Variants in ADGRL2 observed in about 807,000 individuals in gnomAD.
ADGRL2 encodes the protein adhesion G protein-coupled receptor L2.
A neutral mutation model predicts 157.4 loss-of-function variants in ADGRL2; 44 were observed. The observed-to-expected ratio is 0.28, with a 90% CI of 0.22 to 0.36. The LOEUF is 0.36. ADGRL2 is among the 10% of genes least tolerant of loss of function. The pLI is 1.00. For synonymous variants in ADGRL2, 585 were observed against 624.7 expected (o/e 0.94, Z 0.95); for missense variants, 1,510 against 1,768.9 (o/e 0.85, Z 2.63).
At position 81,640,584 on chromosome 1, in the gene ADGRL2, A is replaced by G. The variant is rs139353012; in HGVS notation, c.-143+59604A>G. 4.7e-3 allele frequency among the ~76,000 whole-genome samples: 711 copies of G among 151,950 alleles called. 7 individuals carry two copies. The highest frequency in any genetic ancestry group is 0.016 in the African/African-American group (669 of 41,412). On this transcript the variant is annotated intron_variant, in intron 3 of 24. Transcript: ENST00000370721. ...GAGGCGGAGGTTGCAGTGAGCCAAG[A>G]TGGCACCACTGCACTCCAGCCTAGC... is the stretch of plus-strand genomic sequence containing the variant.
At chr1:81,606,871 A>G (rs2081445833) in intron 3 of ADGRL2, among the ~76,000 whole-genome samples, 1 of 152,036 alleles carries the variant, frequency 6.6e-6, no homozygotes, top group Admixed American at 6.6e-5. Context: ...CAATCATGTG[A>G]CCATAAAAGC....
chr1:81,624,577 C>G lies in ADGRL2; in HGVS notation c.-143+43597C>G, dbSNP rs976963409. Reference sequence around the variant, plus strand: ...CCCCCCCAAAAATAAAAAAGTAATACAGTTATCTAATTGCTGACGTTGTGA... The same window carrying G: ...CCCCCCCAAAAATAAAAAAGTAATAGAGTTATCTAATTGCTGACGTTGTGA... On this transcript the variant is annotated intron_variant, in intron 3 of 24. Coordinates refer to the ADGRL2 transcript ENST00000370721. Among the ~76,000 whole-genome samples, 6 of 151,514 alleles carry G rather than the reference C, an allele frequency of 4.0e-5. No individual in the cohort carries two copies. The South Asian group carries it at 1.3e-3, about 32-fold the overall frequency.
At chr1:81,560,792 C>A (rs2148449374) in intron 2 of ADGRL2, among the ~76,000 whole-genome samples, 2 of 152,158 alleles carry the variant, frequency 1.3e-5, no homozygotes, top group Middle Eastern at 3.4e-3. Context: ...AAAAGTTAAT[C>A]CTCACAATGG....
chr1:81,736,352 T>G (rs1006802170), intron 1 of ADGRL2, among the ~76,000 whole-genome samples: 1 of 152,128 alleles, frequency 6.6e-6, no homozygotes, highest in Non-Finnish European at 1.5e-5. Flanking sequence ...GTAGAAGAGG[T>G]ATCTCCCCTT....
intron 3 of ADGRL2, among the ~76,000 whole-genome samples, chr1:81,655,402 G>C (rs1292625781): frequency 6.6e-6 from 1 of 152,094 alleles, no homozygotes; most frequent in Non-Finnish European, 1.5e-5. Context: ...CACAACTAAT[G>C]AGTGTGGGAA....
chr1:81,730,176 T>G (rs2084671115), intron 1 of ADGRL2, among the ~76,000 whole-genome samples: 1 of 152,170 alleles, frequency 6.6e-6, no homozygotes, highest in Non-Finnish European at 1.5e-5. Context: ...CCTTGAAGAA[T>G]TCCACTTTTA....
At chr1:81,525,192 C>T (rs138296077) in intron 2 of ADGRL2, among the ~76,000 whole-genome samples, 2 of 152,296 alleles carry the variant, frequency 1.3e-5, no homozygotes, top group African/African-American at 4.8e-5. Context: ...TATTTTCTAA[C>T]TGAAGGGAGA....
intron 3 of ADGRL2, among the ~76,000 whole-genome samples, chr1:81,623,591 G>A (rs186883754): frequency 6.6e-6 from 1 of 150,758 alleles, no homozygotes; most frequent in Admixed American, 6.6e-5. Flanking sequence ...AAAGGAGATC[G>A]TACTAGGTCA....
chr1:81,955,554 A>G (rs1653228108), intron 10 of ADGRL2, among the ~76,000 whole-genome samples: 1 of 152,186 alleles, frequency 6.6e-6, no homozygotes, highest in South Asian at 2.1e-4. Flanking sequence ...CTGTAAGAGT[A>G]ATGTCTCAGA....
intron 2 of ADGRL2, among the ~76,000 whole-genome samples, chr1:81,905,143 G>A (rs1458321026): frequency 1.3e-5 from 2 of 149,088 alleles, no homozygotes; most frequent in African/African-American, 2.5e-5. Flanking sequence ...TTTTGCCCAA[G>A]CTAGAGTGCA....
intron 1 of ADGRL2, among the ~76,000 whole-genome samples, chr1:81,744,591 C>T (rs931673721): frequency 9.9e-5 from 15 of 152,156 alleles, no homozygotes; most frequent in Non-Finnish European, 4.4e-5. Flanking sequence ...GGAAAGGCAG[C>T]ACATGATGAG....
At chr1:81,712,918 C>T (rs546661811) in intron 1 of ADGRL2, among the ~76,000 whole-genome samples, 7 of 151,764 alleles carry the variant, frequency 4.6e-5, no homozygotes, top group Non-Finnish European at 1.0e-4. Flanking sequence ...TGCACCACCA[C>T]GCCCAGCTAA....
chr1:81,400,739 G>A (rs968018560), intron 1 of ADGRL2, among the ~76,000 whole-genome samples: 19 of 152,110 alleles, frequency 1.2e-4, no homozygotes, highest in Non-Finnish European at 2.4e-4. Flanking sequence ...TGGGCCCTGG[G>A]AGACAGGGAG....
At chr1:81,704,990 A>G (rs749376655) in intron 1 of ADGRL2, among the ~76,000 whole-genome samples, 13 of 152,250 alleles carry the variant, frequency 8.5e-5, no homozygotes, top group East Asian at 1.9e-4. Context: ...AAGCAAATGC[A>G]TGTAGATATG....
Position 81,966,600 on chromosome 1 carries a change from A to T in ADGRL2, c.2340A>T (p.Pro780=). The change falls in exon 13 of 24, where the codon CCA becomes CCT. Residue 780 remains proline (P), a synonymous_variant. Coordinates refer to ENST00000686636, the MANE Select transcript of ADGRL2 (RefSeq NM_001366006.2). ...CTGATCCTGTGCTTTTTACCCTGCC[A>T]CACATTGATGTAAGTTAATGTATGC... ...YLTDPVLFTL[P]HIDPDNYFNA... is the part of the protein sequence containing the mutation. 1 of 1,613,628 alleles carries T rather than the reference A, an allele frequency of 6.2e-7. No homozygotes were observed. Among genetic ancestry groups the T allele is most frequent in the Non-Finnish European group, 8.5e-7 (1 of 1,179,528 alleles).
intron 1 of ADGRL2, among the ~76,000 whole-genome samples, chr1:81,381,276 A>G (rs145374512): frequency 6.6e-6 from 1 of 152,276 alleles, no homozygotes; most frequent in African/African-American, 2.4e-5. Context: ...ATTTGGTTTC[A>G]TGTTACATTG....
chr1:81,394,413 C>G (rs980562766), intron 1 of ADGRL2, among the ~76,000 whole-genome samples: 3 of 152,126 alleles, frequency 2.0e-5, no homozygotes, highest in African/African-American at 7.2e-5. Context: ...ATCTTTACTT[C>G]CGTGAGATCA....
intron 3 of ADGRL2, among the ~76,000 whole-genome samples, chr1:81,599,160 A>G (rs2081290787): frequency 2.0e-5 from 3 of 152,208 alleles, no homozygotes; most frequent in Non-Finnish European, 2.9e-5. Context: ...TAGGCATCCA[A>G]TGCCTGAACT....
chr1:81,647,415 A>G (rs934898589), intron 3 of ADGRL2, among the ~76,000 whole-genome samples: 4 of 152,142 alleles, frequency 2.6e-5, no homozygotes, highest in Non-Finnish European at 5.9e-5. Flanking sequence ...GAGCCCCAAC[A>G]TATCCCACAA....
Sources: gnomAD v4.1 joint callset for allele counts (sites outside exome capture counted in the v4.1 genomes callset) on GRCh38, gnomAD v4.1.1 for gene constraint, MANE v1.5 for transcripts, NCBI Gene and HGNC (gene_info 2026-07-23, HGNC 2026-07-21) for gene names.